C3orf33: variants seen among roughly 807,000 people sequenced by gnomAD.
C3orf33 encodes the protein mitochondrial inner membrane subdomain organizer 1.
A neutral mutation model predicts 28.7 loss-of-function variants in C3orf33; 23 were observed. That is an observed-to-expected ratio of 0.80 (90% CI 0.58 to 1.13). The LOEUF (loss-of-function observed/expected upper bound fraction) is 1.13. Among genes scored for constraint, C3orf33 ranks in the 50% most tolerant of loss-of-function variants. C3orf33 has a pLI of 0.00. For synonymous variants in C3orf33, 119 were observed against 120.5 expected, an observed-to-expected ratio of 0.99 and a Z score of 0.08; for missense variants, 327 against 353.4, an observed-to-expected ratio of 0.93 and a Z score of 0.60.
At chr3:155,775,933 A>C in intron 2 of C3orf33, 85 bp from the exon 3 acceptor site, 1 of 991,850 alleles carries the variant, frequency 1.0e-6, no homozygotes, top group South Asian at 1.5e-5. Flanking sequence ...AAAACATTTC[A>C]CAAGAGTACA....
intron 2 of C3orf33, among the ~76,000 whole-genome samples, chr3:155,778,004 G>T (rs1750800077): frequency 6.6e-6 from 1 of 152,032 alleles, no homozygotes; most frequent in South Asian, 2.1e-4. Flanking sequence ...ACAAAAATTA[G>T]CTGGGCATGG....
intron 2 of C3orf33, among the ~76,000 whole-genome samples, chr3:155,797,317 A>G (rs1055467305): frequency 2.5e-4 from 38 of 152,330 alleles, no homozygotes; most frequent in African/African-American, 8.7e-4. Context: ...ACACAATAAA[A>G]GCCATACACA....
chr3:155,777,324 T>C (rs1328144030), intron 2 of C3orf33, among the ~76,000 whole-genome samples: 2 of 150,910 alleles, frequency 1.3e-5, no homozygotes, highest in African/African-American at 2.4e-5. Context: ...AAAAAAAAAA[T>C]TAAAAAAAAA....
At chr3:155,794,925 G>C (rs533600692) in intron 2 of C3orf33, among the ~76,000 whole-genome samples, 1 of 152,254 alleles carries the variant, frequency 6.6e-6, no homozygotes, top group African/African-American at 2.4e-5. Context: ...TAATATTAGA[G>C]CTAGAGCTAA....
intron 1 of C3orf33, chr3:155,805,865 G>GC (rs1751794317): frequency 3.7e-6 from 2 of 534,766 alleles, no homozygotes; most frequent in African/African-American, 3.8e-5. Flanking sequence ...GAGCTGGGCT[G>GC]CGTCTCACCC....
intron 2 of C3orf33, among the ~76,000 whole-genome samples, chr3:155,797,462 T>A (rs1000007567): frequency 6.6e-6 from 1 of 152,070 alleles, no homozygotes; most frequent in Non-Finnish European, 1.5e-5. Flanking sequence ...GCTAGAGCAC[T>A]CAGACAAAAG....
intron 2 of C3orf33, among the ~76,000 whole-genome samples, chr3:155,791,732 G>T (rs1751321203): frequency 6.6e-6 from 1 of 151,806 alleles, no homozygotes; most frequent in South Asian, 2.1e-4. Context: ...CCCAGGGAGA[G>T]ACTCTTCTGC....
intron 3 of C3orf33, among the ~76,000 whole-genome samples, chr3:155,774,953 G>A (rs1009942286): frequency 2.0e-5 from 3 of 151,932 alleles, no homozygotes; most frequent in African/African-American, 7.3e-5. Context: ...TACTCTATAT[G>A]TATAGATTCC....
intron 4 of C3orf33, among the ~76,000 whole-genome samples, chr3:155,764,573 C>T (rs1002354946): frequency 2.6e-4 from 39 of 151,588 alleles, no homozygotes; most frequent in African/African-American, 7.0e-4. Context: ...GAGATCCTGG[C>T]GGGGCGCGGT....
chr3:155,769,223 A>T (rs773436759), intron 3 of C3orf33, among the ~76,000 whole-genome samples: 1 of 152,034 alleles, frequency 6.6e-6, no homozygotes, highest in African/African-American at 2.4e-5. Flanking sequence ...GAGGCAGGAG[A>T]CGTGCTTGAA....
chr3:155,790,251 C>CT (rs1751273045), intron 2 of C3orf33, among the ~76,000 whole-genome samples: 1 of 148,830 alleles, frequency 6.7e-6, no homozygotes, highest in African/African-American at 2.5e-5. Context: ...AGGTCAGGCC[C>CT]TTATCTAACA....
intron 2 of C3orf33, among the ~76,000 whole-genome samples, chr3:155,787,594 C>T (rs949478265): frequency 2.0e-5 from 3 of 151,938 alleles, no homozygotes; most frequent in Non-Finnish European, 4.4e-5. Flanking sequence ...TCAGGCAATC[C>T]GTCTGCCTCA....
At chr3:155,804,925 A>T (rs775030320) in intron 1 of C3orf33, among the ~76,000 whole-genome samples, 31 of 152,300 alleles carry the variant, frequency 2.0e-4, no homozygotes, top group South Asian at 6.2e-4. Context: ...CCAAATTTGC[A>T]CATCTCCATG....
Position 155,779,663 on chromosome 3 carries a change from A to G in C3orf33, c.175-3815T>C, listed in dbSNP as rs574661283. ...GCCAGAAGAAGGGCAAAAAAAAAAT[A>G]GGCACCTGGAAACCATATCACCCAG... On this transcript the variant is annotated intron_variant, in intron 2 of 4. Transcript: ENST00000340171. Among the ~76,000 whole-genome samples the G allele has an allele frequency of 2.0e-4, 31 of 152,226 alleles. 1 individual carries two copies. In the Middle Eastern group the frequency reaches 0.01, roughly 50 times the overall value.
intron 2 of C3orf33, among the ~76,000 whole-genome samples, chr3:155,778,927 G>T (rs563242059): frequency 2.6e-5 from 4 of 152,268 alleles, no homozygotes; most frequent in African/African-American, 4.8e-5. Flanking sequence ...GGAAGGATAT[G>T]ACTGCTGGAA....
intron 1 of C3orf33, chr3:155,804,184 A>G (rs755527853): frequency 5.6e-5 from 24 of 431,712 alleles, no homozygotes; most frequent in Non-Finnish European, 9.7e-5. Context: ...CTAAAAAAAA[A>G]GAAAAAGGAA....
At chr3:155,772,239 T>C (rs1443668459) in intron 3 of C3orf33, among the ~76,000 whole-genome samples, 2 of 152,086 alleles carry the variant, frequency 1.3e-5, no homozygotes, top group African/African-American at 4.8e-5. Flanking sequence ...GGGACTTGGA[T>C]GTTTCAAATA....
intron 3 of C3orf33, among the ~76,000 whole-genome samples, 167 bp downstream of exon 3, chr3:155,775,534 A>C (rs1425895166): frequency 6.6e-6 from 1 of 152,070 alleles, no homozygotes; most frequent in African/African-American, 2.4e-5. Flanking sequence ...TCTGAGCCAA[A>C]TTAAGCACCT....
intron 2 of C3orf33, among the ~76,000 whole-genome samples, chr3:155,791,161 G>A (rs1435928186): frequency 6.6e-6 from 1 of 152,176 alleles, no homozygotes; most frequent in Non-Finnish European, 1.5e-5. Context: ...ACTAGGCAGA[G>A]GACGAAGACT....
Sources: gnomAD v4.1 joint callset for allele counts (sites outside exome capture counted in the v4.1 genomes callset) on GRCh38, gnomAD v4.1.1 for gene constraint, MANE v1.5 for transcripts, NCBI Gene and HGNC (gene_info 2026-07-23, HGNC 2026-07-21) for gene names.